The following UBE4A variants were observed in gnomAD, a reference collection of about 807,000 sequenced individuals.
UBE4A encodes ubiquitination factor E4A, also known as ubiquitin conjugation factor E4 A.
In UBE4A, 48 loss-of-function variants were observed where a neutral mutation model predicts 117.9. The ratio of observed to expected loss-of-function variants is 0.41; its 90% CI spans 0.32 to 0.52. The LOEUF (loss-of-function observed/expected upper bound fraction) is 0.52, where lower values mean the gene tolerates loss of function less well. Ranked by LOEUF, UBE4A falls within the 20% of genes least tolerant of loss-of-function variation. The probability of loss-of-function intolerance (pLI) is 0.33; values close to 1 mark genes in which losing one functional copy is unlikely to be tolerated. For missense variants in UBE4A, 1,067 were observed against 1,296.3 expected (o/e 0.82, Z 2.72); for synonymous variants, 407 against 450.0 (o/e 0.90, Z 1.21).
intron 5 of UBE4A, 145 bp from the exon 6 acceptor site, chr11:118,372,362 T>C: frequency 1.2e-6 from 1 of 809,986 alleles, no homozygotes; most frequent in Non-Finnish European, 1.8e-6. Flanking sequence ...AGATAGATGA[T>C]TCCTTAAGCC....
chr11:118,383,482 A>G (rs1555126670), intron 13 of UBE4A, among the ~76,000 whole-genome samples: 1 of 151,250 alleles, frequency 6.6e-6, no homozygotes, highest in African/African-American at 2.4e-5. Flanking sequence ...AATCCCAGCT[A>G]CTTAGGAGGC....
chr11:118,359,621 C>A lies in UBE4A; in HGVS notation c.-95C>A, dbSNP rs901320178. Reference sequence around the variant, plus strand: ...TGCTGTGCTGAGTCGGAAGTGGGAACCCTTCGGCCGCTGAGATTCTGTCGT... The same window carrying A: ...TGCTGTGCTGAGTCGGAAGTGGGAAACCTTCGGCCGCTGAGATTCTGTCGT... On this transcript the variant is annotated 5_prime_UTR_variant, in exon 1 of 20. Transcript: ENST00000252108. 5.9e-5 allele frequency: 9 copies of A among 152,240 alleles called. No individual in the cohort carries two copies. Among genetic ancestry groups the A allele is most frequent in the Non-Finnish European group, 1.0e-4 (7 of 68,066 alleles). The allele number at this position is 152,240 out of a possible 1,614,324, so 9.4% of individuals were successfully genotyped here.
In UBE4A at chr11:118,382,780, A is replaced by C. The variant is rs1281765946; in HGVS notation, c.2197+4A>C. On this transcript the variant is annotated splice_donor_region_variant and intron_variant, in intron 13 of 19. Coordinates refer to ENST00000252108, the MANE Select transcript of UBE4A (RefSeq NM_001204077.2). ...TTTGTGGACATCGAATTTACAGGTA[A>C]AGCAGTCATGAAGCTGAGCCCAGAA... The C allele has an allele frequency of 1.9e-6, 3 of 1,570,438 alleles. No individual in the cohort carries two copies. In the East Asian group the frequency reaches 6.9e-5, roughly 36 times the overall value.
intron 18 of UBE4A, among the ~76,000 whole-genome samples, chr11:118,392,339 G>A (rs73613959): frequency 0.22 from 33,752 of 152,044 alleles, 4,227 homozygotes; most frequent in East Asian, 0.52. Flanking sequence ...CTTTTCATAC[G>A]CAGGCTGCAT....
rs1396855904 is a variant in UBE4A, at chr11:118,373,559, G to A, written c.990G>A (p.Leu330=). 1.9e-6 allele frequency: 3 copies of A among 1,614,158 alleles called. No individual in the cohort carries two copies. Among genetic ancestry groups the A allele is most frequent in the Non-Finnish European group, 8.5e-7 (1 of 1,180,030 alleles). ...TNGQMYQKTL[L]GVILSISCLL... is the part of the protein sequence containing the mutation. The stretch of plus-strand genomic sequence containing the variant: ...GGCAAATGTACCAGAAGACCTTGCT[G>A]GGAGTAATTCTGAGTATCTCCTGCT... Residue 330 remains leucine, a synonymous_variant, in exon 8 of 20, where the codon CTG becomes CTA. Coordinates refer to ENST00000252108, the MANE Select transcript of UBE4A (RefSeq NM_001204077.2).
At chr11:118,371,072 T>A (rs887060094) in intron 4 of UBE4A, among the ~76,000 whole-genome samples, 2 of 152,128 alleles carry the variant, frequency 1.3e-5, no homozygotes, top group African/African-American at 4.8e-5. Context: ...ATCAAAACAG[T>A]GCGTTGTACC....
At chr11:118,375,404 G>T (rs1016009726) in intron 9 of UBE4A, among the ~76,000 whole-genome samples, 175 bp downstream of exon 9, 2 of 151,638 alleles carry the variant, frequency 1.3e-5, no homozygotes, top group African/African-American at 4.9e-5. Context: ...CTGTCACTCA[G>T]GCTGTAGTGC....
intron 4 of UBE4A, 98 bp downstream of exon 4, chr11:118,369,633 T>C (rs2134089449): frequency 1.4e-6 from 1 of 712,672 alleles, no homozygotes; most frequent in Non-Finnish European, 2.3e-6. Context: ...TGTCCATATG[T>C]CCATCCCTCT....
chr11:118,386,301 A>T, intron 15 of UBE4A, 137 bp from the exon 16 acceptor site: 2 of 936,480 alleles, frequency 2.1e-6, no homozygotes, highest in Non-Finnish European at 3.0e-6. Flanking sequence ...TATGCTGAGA[A>T]ATAAAGGCTC....
rs970703336 is a variant in UBE4A at position 118,373,322 on chromosome 11, C to A, written c.924+34C>A. The A allele has an allele frequency of 3.7e-6, 6 of 1,602,182 alleles. No homozygotes were observed. The African/African-American group carries it at 8.0e-5, about 21-fold the overall frequency. On this transcript the variant is annotated intron_variant, in intron 7 of 19. Coordinates refer to ENST00000252108, the MANE Select transcript of UBE4A (RefSeq NM_001204077.2). ...GAAAGATGATATGTATTCAGTTGAG[C>A]TAGATGTGTAATACATGATGCTTCC...
chr11:118,397,211 G>A lies in UBE4A; in HGVS notation c.*771G>A, dbSNP rs1591312873. 1 of 151,990 alleles carries A rather than the reference G, an allele frequency of 6.6e-6. No individual in the cohort carries two copies. The highest frequency in any genetic ancestry group is 2.4e-5 in the African/African-American group (1 of 41,364). The allele number at this position is 151,990 out of a possible 1,614,324, so 9.4% of individuals were successfully genotyped here. A position where few individuals can be genotyped will look rare whatever the true frequency, so the allele number is the denominator to read the frequency against. On this transcript the variant is annotated 3_prime_UTR_variant, in exon 20 of 20. Transcript: ENST00000252108. ...AGGCCTAAGTAGATTTAGGCAACGG[G>A]TATCATATCCATGAAAAATGTCATT... is the stretch of plus-strand genomic sequence containing the variant.
intron 12 of UBE4A, 103 bp downstream of exon 12, chr11:118,381,626 T>G: frequency 6.8e-7 from 1 of 1,466,818 alleles, no homozygotes; most frequent in Non-Finnish European, 9.2e-7. Flanking sequence ...GGGGTTGCCT[T>G]CAGAAGTTAT....
At chr11:118,364,378 G>A (rs979993525) in intron 1 of UBE4A, among the ~76,000 whole-genome samples, 3 of 152,058 alleles carry the variant, frequency 2.0e-5, no homozygotes, top group African/African-American at 7.2e-5. Flanking sequence ...GTTAGATATA[G>A]CATGAAGCAA....
chr11:118,395,902 C>CT (rs1555129573), intron 19 of UBE4A, among the ~76,000 whole-genome samples: 1 of 152,088 alleles, frequency 6.6e-6, no homozygotes, highest in African/African-American at 2.4e-5. Context: ...TGGTGAAACT[C>CT]TGTTTCTACT....
At chr11:118,369,296 G>A in intron 3 of UBE4A, 127 bp from the exon 4 acceptor site, 1 of 653,188 alleles carries the variant, frequency 1.5e-6, no homozygotes, top group Non-Finnish European at 2.7e-6. Context: ...ATGTTGCTTT[G>A]TGTATCAGGA....
chr11:118,376,663 A>G lies in UBE4A; in HGVS notation c.1540A>G (p.Thr514Ala), dbSNP rs1198019441. 1.2e-6 allele frequency: 2 copies of G among 1,614,002 alleles called. No homozygotes were observed. The highest frequency in any genetic ancestry group is 2.7e-5 in the African/African-American group (2 of 74,924). The change falls in exon 10 of 20, where the codon ACA becomes GCA. Residue 514 changes from threonine (T) to alanine (A), a missense_variant. Transcript: ENST00000252108. The part of the protein sequence containing the change: ...YNLVTENLAL[T>A]EYTLYLGFHR... ...CCTTGTAACAGAGAACCTTGCTCTG[A>G]CAGAGTACACCTTGTACTTGGGATT...
intron 10 of UBE4A, among the ~76,000 whole-genome samples, 197 bp downstream of exon 10, chr11:118,376,891 CA>C (rs879969266): frequency 8.8e-4 from 125 of 142,264 alleles, no homozygotes; most frequent in Admixed American, 1.3e-3. Flanking sequence ...CCATCTCTAC[CA>C]AAAAAAAAAA....
In UBE4A at chr11:118,376,596, G is replaced by T. The variant is rs1948654658; in HGVS notation, c.1473G>T (p.Leu491Phe). 1 of 1,612,890 alleles carries T rather than the reference G, an allele frequency of 6.2e-7. No homozygotes were observed. The highest frequency in any genetic ancestry group is 1.3e-5 in the African/African-American group (1 of 74,640). ...GAGGTTTGGACAAAGAAACCTGTTT[G>T]ATCCCAGCTGTGCAGGAGCCGAAGT... is the stretch of plus-strand genomic sequence containing the variant. ...HMRGLDKETC[L>F]IPAVQEPKFP... The change falls in exon 10 of 20, where the codon TTG becomes TTT. Residue 491 changes from leucine to phenylalanine, a missense_variant. Leu to Phe is a conservative substitution (Grantham distance 22). This residue lies in a region of UBE4A where 1,001 missense variants were observed against 1,184.0 expected (regional missense o/e 0.85). Coordinates refer to ENST00000252108, the MANE Select transcript of UBE4A (RefSeq NM_001204077.2).
chr11:118,374,783 G>A (rs929972555), intron 8 of UBE4A, 113 bp from the exon 9 acceptor site: 19 of 975,120 alleles, frequency 1.9e-5, no homozygotes, highest in Admixed American at 3.3e-5. Flanking sequence ...CACAGAGAGT[G>A]AGGGGAAAGA....
Sources: gnomAD v4.1 joint callset for allele counts (sites outside exome capture counted in the v4.1 genomes callset) on GRCh38, gnomAD v4.1.1 for gene constraint, gnomAD v4.1.1 regional missense constraint, MANE v1.5 for transcripts, NCBI Gene and HGNC (gene_info 2026-07-23, HGNC 2026-07-21) for gene names.